The following TSPAN19 variants were observed in gnomAD, a reference collection of about 807,000 sequenced individuals.
TSPAN19 encodes tetraspanin 19.
TSPAN19 carries 44 observed loss-of-function variants against 35.1 expected under a neutral mutation model. The ratio of observed to expected loss-of-function variants is 1.25; its 90% CI spans 0.98 to 1.61. The LOEUF (loss-of-function observed/expected upper bound fraction) is 1.61. Ranked by LOEUF, TSPAN19 falls within the 40% of genes most tolerant of loss-of-function variation. The pLI, the probability that TSPAN19 is intolerant of heterozygous loss-of-function variation, is 0.00. For missense variants in TSPAN19, 290 were observed against 280.0 expected (o/e 1.04, Z -0.26); for synonymous variants, 79 against 92.0 (o/e 0.86, Z 0.81).
At chr12:85,035,301 C>A (rs900887979) in intron 1 of TSPAN19, 1 of 151,998 alleles carries the variant, frequency 6.6e-6, no homozygotes, top group Admixed American at 6.6e-5. Context: ...GTCTATAAAT[C>A]AGCAATAAAA....
At chr12:85,026,906 C>A (rs1431770344) in intron 4 of TSPAN19, among the ~76,000 whole-genome samples, 1 of 152,088 alleles carries the variant, frequency 6.6e-6, no homozygotes, top group African/African-American at 2.4e-5. Flanking sequence ...GGGTGACTAC[C>A]CAGACTTTCA....
chr12:85,028,879 G>A (rs1877551100), intron 3 of TSPAN19, among the ~76,000 whole-genome samples: 1 of 152,182 alleles, frequency 6.6e-6, no homozygotes. Context: ...ACCTAAACCA[G>A]TTGGGGGAGA....
In TSPAN19 at chr12:85,023,245, A is replaced by G. The variant is rs1877214431; in HGVS notation, c.339+81T>C. The G allele has an allele frequency of 3.4e-6, 4 of 1,172,572 alleles. No individual in the cohort carries two copies. The Admixed American group carries it at 6.8e-5, about 20-fold the overall frequency. 72.6% of individuals were successfully genotyped at this position (1,172,572 alleles called of 1,614,324 possible). A position where few individuals can be genotyped will look rare whatever the true frequency, so the allele number is the denominator to read the frequency against. ...ACCTTTGGCTTTTAATATAGGATCA[A>G]TGGTCTCAATACTCTAAGGTATCCA... On this transcript the variant is annotated intron_variant, in intron 5 of 8. Coordinates refer to ENST00000532498, the MANE Select transcript of TSPAN19 (RefSeq NM_001100917.2).
intron 4 of TSPAN19, among the ~76,000 whole-genome samples, chr12:85,025,951 G>A (rs1202090276): frequency 6.6e-6 from 1 of 152,194 alleles, no homozygotes; most frequent in Non-Finnish European, 1.5e-5. Flanking sequence ...TAGCAAAAGT[G>A]TCACAATGGC....
chr12:85,035,257 C>T (rs1415042634), intron 1 of TSPAN19: 1 of 151,406 alleles, frequency 6.6e-6, no homozygotes, highest in Non-Finnish European at 1.5e-5. Context: ...GACCCTGTCT[C>T]TAAAAAAACA....
chr12:85,025,000 C>A (rs987392998), intron 4 of TSPAN19, among the ~76,000 whole-genome samples: 1 of 151,452 alleles, frequency 6.6e-6, no homozygotes. Context: ...TTCCTAGTTT[C>A]AGAGAAAAAA....
At chr12:85,022,704 T>C (rs1005369171) in intron 5 of TSPAN19, among the ~76,000 whole-genome samples, 29 of 152,122 alleles carry the variant, frequency 1.9e-4, no homozygotes, top group African/African-American at 7.0e-4. Context: ...TTCCGTGATA[T>C]AAGACAGACC....
intron 1 of TSPAN19, among the ~76,000 whole-genome samples, chr12:85,030,759 T>C (rs1877647258): frequency 6.6e-6 from 1 of 152,118 alleles, no homozygotes; most frequent in Non-Finnish European, 1.5e-5. Flanking sequence ...TCCTAAAACT[T>C]TCATGGAAAA....
At chr12:85,034,481 T>G (rs986423994) in intron 1 of TSPAN19, among the ~76,000 whole-genome samples, 1 of 152,138 alleles carries the variant, frequency 6.6e-6, no homozygotes, top group African/African-American at 2.4e-5. Context: ...GTTAAGCCAA[T>G]ATGCTATAAA....
chr12:85,018,476 T>C (rs907766437), intron 6 of TSPAN19, among the ~76,000 whole-genome samples: 1 of 151,838 alleles, frequency 6.6e-6, no homozygotes, highest in Admixed American at 6.6e-5. Flanking sequence ...ATAGTAGTGA[T>C]ATGATAGACA....
At chr12:85,029,518 A>G (rs1877582157) in intron 3 of TSPAN19, among the ~76,000 whole-genome samples, 1 of 152,116 alleles carries the variant, frequency 6.6e-6, no homozygotes, top group African/African-American at 2.4e-5. Context: ...GTAGTATAGA[A>G]CACCAGAACT....
intron 4 of TSPAN19, 45 bp from the exon 5 acceptor site, chr12:85,023,445 A>G: frequency 7.1e-7 from 1 of 1,400,270 alleles, no homozygotes; most frequent in Non-Finnish European, 9.9e-7. Context: ...CTACTAATAT[A>G]TGTTTTGTAT....
In TSPAN19 at chr12:85,014,511, C is replaced by A. The variant is rs1439264737; in HGVS notation, c.723G>T (p.Lys241Asn). 5 of 1,603,972 alleles carry A rather than the reference C, an allele frequency of 3.1e-6. No individual in the cohort carries two copies. Among genetic ancestry groups the A allele is most frequent in the Non-Finnish European group, 4.3e-6 (5 of 1,174,622 alleles). ...SLTVCFFKNI[K>N]NIIHAEM The stretch of plus-strand genomic sequence containing the variant: ...GTCACATTTCTGCATGGATTATATT[C>A]TTGATGTTTTTGAAGAAACAAACTG... Residue 241 changes from lysine (K) to asparagine (N), a missense_variant, in exon 9 of 9, where the codon AAG becomes AAT. Coordinates refer to ENST00000532498, the MANE Select transcript of TSPAN19 (RefSeq NM_001100917.2).
chr12:85,033,222 G>A (rs1299094652), intron 1 of TSPAN19, among the ~76,000 whole-genome samples: 3 of 152,000 alleles, frequency 2.0e-5, no homozygotes, highest in Non-Finnish European at 4.4e-5. Flanking sequence ...AAGACAGAGG[G>A]AACACTATGT....
intron 6 of TSPAN19, among the ~76,000 whole-genome samples, chr12:85,018,771 T>C (rs1876956706): frequency 6.6e-6 from 1 of 152,060 alleles, no homozygotes; most frequent in Non-Finnish European, 1.5e-5. Flanking sequence ...CTGCCACTTA[T>C]TAGCTGCGCA....
In TSPAN19 at chr12:85,014,576, A is replaced by T. The variant is rs760089793; in HGVS notation, c.679-21T>A. On this transcript the variant is annotated intron_variant, in intron 8 of 8. Transcript: ENST00000532498. ...AAAACCTGGAAGAAAAGGGAACAAT[A>T]AGAGATTAAAATTTAATCAATGATA... is the stretch of plus-strand genomic sequence containing the variant. 7 of 1,541,650 alleles carry T rather than the reference A, an allele frequency of 4.5e-6. No homozygotes were observed. The African/African-American group carries it at 9.7e-5, about 21-fold the overall frequency.
chr12:85,028,437 A>G (rs1454936393), intron 3 of TSPAN19, among the ~76,000 whole-genome samples: 3 of 152,166 alleles, frequency 2.0e-5, no homozygotes, highest in African/African-American at 4.8e-5. Flanking sequence ...TGCTAATATG[A>G]TCCCTTTCAA....
chr12:85,014,572 CAAT>C lies in TSPAN19; in HGVS notation c.679-20_679-18del. On this transcript the variant is annotated intron_variant, in intron 8 of 8. Coordinates refer to ENST00000532498, the MANE Select transcript of TSPAN19 (RefSeq NM_001100917.2). ...TTGGAAAACCTGGAAGAAAAGGGAA[CAAT>C]AAGAGATTAAAATTTAATCAATGAT... 6.4e-7 allele frequency: 1 copy of C among 1,553,128 alleles called. No individual in the cohort carries two copies. The highest frequency in any genetic ancestry group is 8.8e-7 in the Non-Finnish European group (1 of 1,137,870).
chr12:85,016,244 T>C (rs1469528129), intron 7 of TSPAN19: 4 of 295,590 alleles, frequency 1.4e-5, no homozygotes, highest in Non-Finnish European at 2.5e-5. Flanking sequence ...TTCTGCAGAC[T>C]ATTGTAATTC....
Sources: allele counts gnomAD v4.1 joint callset (sites outside exome capture counted in the v4.1 genomes callset), GRCh38; gene constraint gnomAD v4.1.1; transcripts MANE v1.5; gene names NCBI Gene and HGNC (gene_info 2026-07-23, HGNC 2026-07-21).